ST8SIA6: variants seen among roughly 807,000 people sequenced by gnomAD.
ST8SIA6 encodes the protein ST8 alpha-N-acetyl-neuraminide alpha-2,8-sialyltransferase 6.
A neutral mutation model predicts 33.6 loss-of-function variants in ST8SIA6; 39 were observed. The ratio of observed to expected loss-of-function variants is 1.16; its 90% CI spans 0.90 to 1.52. The LOEUF (loss-of-function observed/expected upper bound fraction) is 1.52. Among genes scored for constraint, ST8SIA6 ranks in the 40% most tolerant of loss-of-function variants. The pLI is 0.00. For missense variants in ST8SIA6, 441 were observed against 443.8 expected (o/e 0.99, Z 0.06); for synonymous variants, 172 against 167.2 (o/e 1.03, Z -0.22).
At chr10:17,331,957 A>G (rs555747615) in intron 4 of ST8SIA6, among the ~76,000 whole-genome samples, 2 of 152,166 alleles carry the variant, frequency 1.3e-5, no homozygotes, top group East Asian at 1.9e-4. Flanking sequence ...CTTGCCTCCA[A>G]CAGGCACCAG....
rs1401604159 is a variant in ST8SIA6 at position 17,317,602 on chromosome 10, A to G, written c.*3276T>C. ...AACTATACTTCTGCAGTAGCTGTTTAGGATGTTAGTGGACCTGTTTTCCAC... is the reference window on the plus strand; with the variant it reads ...AACTATACTTCTGCAGTAGCTGTTTGGGATGTTAGTGGACCTGTTTTCCAC... On this transcript the variant is annotated 3_prime_UTR_variant, in exon 8 of 8. Transcript: ENST00000377602. Among the ~76,000 whole-genome samples the G allele has an allele frequency of 3.3e-5, 5 of 152,206 alleles. No individual in the cohort carries two copies. The highest frequency in any genetic ancestry group is 2.6e-4 in the Admixed American group (4 of 15,262).
intron 3 of ST8SIA6, 90 bp downstream of exon 3, chr10:17,390,441 T>A: frequency 9.0e-7 from 1 of 1,114,708 alleles, no homozygotes; most frequent in Non-Finnish European, 1.3e-6. Context: ...AACAGTCTCA[T>A]ATTCCAAATG....
intron 2 of ST8SIA6, among the ~76,000 whole-genome samples, chr10:17,426,827 C>A (rs191271964): frequency 6.6e-6 from 1 of 152,260 alleles, no homozygotes; most frequent in African/African-American, 2.4e-5. Flanking sequence ...CGGGGCCAGG[C>A]GCAGTGGCTC....
At chr10:17,331,386 C>G in intron 5 of ST8SIA6, 22 bp downstream of exon 5, 1 of 1,588,886 alleles carries the variant, frequency 6.3e-7, no homozygotes, top group Non-Finnish European at 8.5e-7. Flanking sequence ...ACACAAATAA[C>G]CCACCAGAAA....
intron 3 of ST8SIA6, among the ~76,000 whole-genome samples, chr10:17,365,230 T>C (rs1245263337): frequency 6.6e-6 from 1 of 152,204 alleles, no homozygotes; most frequent in Non-Finnish European, 1.5e-5. Flanking sequence ...AAATGTCATA[T>C]TAAAATTTTA....
chr10:17,418,487 T>G (rs1199094157), intron 2 of ST8SIA6, among the ~76,000 whole-genome samples: 1 of 152,048 alleles, frequency 6.6e-6, no homozygotes, highest in Non-Finnish European at 1.5e-5. Flanking sequence ...TACATACATA[T>G]GAGAAAACTG....
At chr10:17,380,919 G>A (rs1053609422) in intron 3 of ST8SIA6, among the ~76,000 whole-genome samples, 3 of 68,830 alleles carry the variant, frequency 4.4e-5, no homozygotes, top group African/African-American at 1.1e-4. Context: ...GTGTTTGTGC[G>A]TGTGTGTGTG....
At position 17,332,284 on chromosome 10, in the gene ST8SIA6, T is replaced by C. The variant is rs961603423; in HGVS notation, c.378-732A>G. On this transcript the variant is annotated intron_variant, in intron 4 of 7. Coordinates refer to ENST00000377602, the MANE Select transcript of ST8SIA6 (RefSeq NM_001004470.3). Reference sequence around the variant, plus strand: ...TACATGTGCCTTTATAGTAAAATGATTTATATTTTTTTGCCTATATACCCA... The same window carrying C: ...TACATGTGCCTTTATAGTAAAATGACTTATATTTTTTTGCCTATATACCCA... Among the ~76,000 whole-genome samples the C allele has an allele frequency of 3.3e-5, 5 of 152,168 alleles. No individual in the cohort carries two copies. The South Asian group carries it at 1.0e-3, about 31-fold the overall frequency.
chr10:17,338,105 G>C (rs1325860615), intron 4 of ST8SIA6, among the ~76,000 whole-genome samples: 1 of 146,698 alleles, frequency 6.8e-6, no homozygotes, highest in Non-Finnish European at 1.5e-5. Flanking sequence ...CGCGATCTCA[G>C]CTCACCACAA....
intron 4 of ST8SIA6, among the ~76,000 whole-genome samples, chr10:17,345,776 G>T (rs575811315): frequency 3.9e-5 from 6 of 152,270 alleles, no homozygotes; most frequent in African/African-American, 1.4e-4. Flanking sequence ...TGCATTTTAG[G>T]ATGTGCACCC....
chr10:17,427,230 G>A (rs1231673690), intron 2 of ST8SIA6, among the ~76,000 whole-genome samples: 2 of 152,180 alleles, frequency 1.3e-5, no homozygotes, highest in African/African-American at 4.8e-5. Context: ...TGAGGAATGA[G>A]AGTTCTCAGA....
At chr10:17,442,017 T>C (rs937545379) in intron 2 of ST8SIA6, among the ~76,000 whole-genome samples, 1 of 152,018 alleles carries the variant, frequency 6.6e-6, no homozygotes, top group South Asian at 2.1e-4. Context: ...TACAGGTGCC[T>C]GCCGCCACGC....
At position 17,319,356 on chromosome 10, in the gene ST8SIA6, C is replaced by T. The variant is rs565158884; in HGVS notation, c.*1522G>A. ...GACTATAACACACTTTATGAAATCTCGGGGTGTCTGTTTAGCCAAAGATTT... is the reference window on the plus strand; with the variant it reads ...GACTATAACACACTTTATGAAATCTTGGGGTGTCTGTTTAGCCAAAGATTT... On this transcript the variant is annotated 3_prime_UTR_variant, in exon 8 of 8. Transcript: ENST00000377602. Among the ~76,000 whole-genome samples, 6 of 152,144 alleles carry T rather than the reference C, an allele frequency of 3.9e-5. No individual in the cohort carries two copies. The highest frequency in any genetic ancestry group is 5.9e-5 in the Non-Finnish European group (4 of 67,988).
At chr10:17,394,678 A>C (rs927149511) in intron 2 of ST8SIA6, among the ~76,000 whole-genome samples, 1 of 152,174 alleles carries the variant, frequency 6.6e-6, no homozygotes, top group African/African-American at 2.4e-5. Flanking sequence ...AATGTCATTC[A>C]AACTTGCTCC....
rs1339890244 is a variant in ST8SIA6 at position 17,321,365 on chromosome 10, A to T, written c.729-19T>A. On this transcript the variant is annotated intron_variant, in intron 7 of 7. Transcript: ENST00000377602. Reference sequence around the variant, plus strand: ...CCCATATCTGCCAAATTAAAAAAAAATTATAGTAATCCCAAGAATAATAAT... The same window carrying T: ...CCCATATCTGCCAAATTAAAAAAAATTTATAGTAATCCCAAGAATAATAAT... 6.4e-7 allele frequency: 1 copy of T among 1,551,514 alleles called. No homozygotes were observed. The highest frequency in any genetic ancestry group is 1.4e-5 in the African/African-American group (1 of 71,862).
At chr10:17,385,845 C>A (rs117516042) in intron 3 of ST8SIA6, among the ~76,000 whole-genome samples, 2 of 152,196 alleles carry the variant, frequency 1.3e-5, no homozygotes, top group East Asian at 3.9e-4. Flanking sequence ...GGCTGTGTCA[C>A]GGGCGCATTC....
At chr10:17,420,336 C>T (rs1457854183) in intron 2 of ST8SIA6, among the ~76,000 whole-genome samples, 1 of 152,066 alleles carries the variant, frequency 6.6e-6, no homozygotes, top group Non-Finnish European at 1.5e-5. Context: ...GGCGTGAACC[C>T]GAGAAGCGGA....
intron 2 of ST8SIA6, among the ~76,000 whole-genome samples, chr10:17,436,932 G>A (rs866518573): frequency 3.9e-4 from 60 of 152,160 alleles, no homozygotes; most frequent in African/African-American, 1.3e-3. Context: ...TTCCAGCCAC[G>A]TGCGACTGTG....
chr10:17,347,318 T>TG (rs1406617679), intron 4 of ST8SIA6, among the ~76,000 whole-genome samples: 1 of 152,092 alleles, frequency 6.6e-6, no homozygotes, highest in South Asian at 2.1e-4. Context: ...AGTTTGGCGA[T>TG]GGACTAGAAA....
Sources: gnomAD v4.1 joint callset for allele counts (sites outside exome capture counted in the v4.1 genomes callset) on GRCh38, gnomAD v4.1.1 for gene constraint, MANE v1.5 for transcripts, NCBI Gene and HGNC (gene_info 2026-07-23, HGNC 2026-07-21) for gene names.